Variants in L1TD1 observed in about 807,000 individuals in gnomAD.
L1TD1 encodes the protein LINE1 type transposase domain containing 1, also known as LINE-1 type transposase domain-containing protein 1.
Under a neutral mutation model 25.7 loss-of-function variants are expected in L1TD1, and 26 were observed. The ratio of observed to expected loss-of-function variants is 1.01; its 90% confidence interval spans 0.74 to 1.40. The LOEUF (loss-of-function observed/expected upper bound fraction) is 1.40. Among genes scored for constraint, L1TD1 ranks in the 40% most tolerant of loss-of-function variants. The pLI, the probability that L1TD1 is intolerant of heterozygous loss-of-function variation, is 0.00. For synonymous variants in L1TD1, 421 were observed against 335.6 expected, an observed-to-expected ratio of 1.25 and a Z score of -2.78; for missense variants, 1,130 against 975.0, an observed-to-expected ratio of 1.16 and a Z score of -2.12.
intron 2 of L1TD1, among the ~76,000 whole-genome samples, chr1:62,205,526 G>C (rs1407271623): frequency 6.8e-6 from 1 of 146,738 alleles, no homozygotes; most frequent in African/African-American, 2.5e-5. Flanking sequence ...CTGCCTCCCA[G>C]GTTCAAGCAA....
rs757463322 is a variant in L1TD1 at position 62,210,455 on chromosome 1, T to A, written c.1681T>A (p.Ser561Thr). 3.1e-6 allele frequency: 5 copies of A among 1,614,132 alleles called. No individual in the cohort carries two copies. The South Asian group carries it at 5.5e-5, about 18-fold the overall frequency. The change falls in exon 4 of 4, where the codon TCA (serine) becomes ACA (threonine). Residue 561 changes from serine (S) to threonine (T), a missense_variant. Coordinates refer to ENST00000498273, the MANE Select transcript of L1TD1 (RefSeq NM_019079.5). ...CTTATGTTTGGCCTCTCCCTCAAAG[T>A]CACTAGAGATGAGTCATGATGAGCA... ...LTLCLASPSK[S>T]LEMSHDEHKK... is the part of the protein sequence containing the mutation.
At chr1:62,202,669 ATTTTTTTT>A (rs35815437) in intron 2 of L1TD1, among the ~76,000 whole-genome samples, 41 of 71,876 alleles carry the variant, frequency 5.7e-4, no homozygotes, top group Admixed American at 3.2e-3. Flanking sequence ...CCAGGGTTTA[ATTTTTTTT>A]TTTTTTTTTT....
At chr1:62,195,225 G>T (rs1670511111) in intron 1 of L1TD1, among the ~76,000 whole-genome samples, 1 of 152,140 alleles carries the variant, frequency 6.6e-6, no homozygotes, top group Non-Finnish European at 1.5e-5. Context: ...AGGTACGTGA[G>T]GCCCGAGGTG....
At chr1:62,198,443 A>AT (rs1352753643) in intron 2 of L1TD1, among the ~76,000 whole-genome samples, 2 of 140,124 alleles carry the variant, frequency 1.4e-5, no homozygotes, top group Non-Finnish European at 3.2e-5. Flanking sequence ...AATTGTTCTT[A>AT]TTTAAAAAAA....
At position 62,197,575 on chromosome 1, in the gene L1TD1, CCTG is replaced by C. The variant is rs561394677; in HGVS notation, c.-111+1052_-111+1054del. On this transcript the variant is annotated intron_variant, in intron 2 of 3. Transcript: ENST00000498273. Reference sequence around the variant, plus strand: ...TCTCAAATTCCTGGCCTCAAGTGCTCCTGCTGCCCCGAAAGGTGCTGGGATTAC... The same window carrying C: ...TCTCAAATTCCTGGCCTCAAGTGCTCCTGCCCCGAAAGGTGCTGGGATTAC... 1.7e-4 allele frequency among the ~76,000 whole-genome samples: 26 copies of C among 151,928 alleles called. No homozygotes were observed. In the South Asian group the frequency reaches 5.4e-3, roughly 32 times the overall value.
At chr1:62,197,586 G>A (rs1048068815) in intron 2 of L1TD1, among the ~76,000 whole-genome samples, 1 of 151,690 alleles carries the variant, frequency 6.6e-6, no homozygotes, top group Admixed American at 6.6e-5. Context: ...CTGCTGCCCC[G>A]AAAGGTGCTG....
chr1:62,205,439 A>ATTTTTTTTTTTT lies in L1TD1; in HGVS notation c.-110-1079_-110-1078insTTTTTTTTTTTT, dbSNP rs1297750882. Among the ~76,000 whole-genome samples the ATTTTTTTTTTTT allele has an allele frequency of 1.2e-3, 55 of 44,178 alleles. 2 individuals are homozygous for ATTTTTTTTTTTT. The highest frequency in any genetic ancestry group is 1.9e-3 in the Non-Finnish European group (44 of 23,168). The allele number at this position is 44,178 out of a possible 152,430, so 29.0% of individuals were successfully genotyped here. A position where few individuals can be genotyped will look rare whatever the true frequency, so the allele number is the denominator to read the frequency against. On this transcript the variant is annotated intron_variant, in intron 2 of 3. Coordinates refer to ENST00000498273, the MANE Select transcript of L1TD1 (RefSeq NM_019079.5). ...TCTCTATATATATATATATATATAT[A>ATTTTTTTTTTTT]TATATTTTTTTTTAGACAGTCTTGC... is the stretch of plus-strand genomic sequence containing the variant.
chr1:62,195,227 C>A (rs1670511188), intron 1 of L1TD1, among the ~76,000 whole-genome samples: 1 of 151,562 alleles, frequency 6.6e-6, no homozygotes, highest in African/African-American at 2.4e-5. Flanking sequence ...GTACGTGAGG[C>A]CCGAGGTGCC....
Position 62,206,990 on chromosome 1 carries a change from G to A in L1TD1, c.362G>A (p.Gly121Glu). The change falls in exon 3 of 4, where the codon GGA becomes GAA. Residue 121 changes from glycine (G) to glutamate (E), a missense_variant. Gly to Glu is a moderately conservative substitution (Grantham distance 98). Transcript: ENST00000498273. ...ACAGGGATGGTAGGGAAAATAGAAGGAGAAAACTCTAAAATAGGTGATGAT... is the reference window on the plus strand; with the variant it reads ...ACAGGGATGGTAGGGAAAATAGAAGAAGAAAACTCTAAAATAGGTGATGAT... ...QKTGMVGKIE[G>E]ENSKIGDDNE... 6.2e-7 allele frequency: 1 copy of A among 1,612,928 alleles called. No homozygotes were observed. Among genetic ancestry groups the A allele is most frequent in the East Asian group, 2.2e-5 (1 of 44,844 alleles).
chr1:62,205,383 CTCTCTTTCTCTCTCTCTCTCTCT>C (rs1670717897), intron 2 of L1TD1, among the ~76,000 whole-genome samples: 1 of 54,094 alleles, frequency 1.8e-5, no homozygotes, highest in African/African-American at 7.6e-5. Context: ...TTCTCTCTCT[CTCTCTTTCTCTCTCTCTCTCTCT>C]CTCTCTCTCT....
Position 62,207,491 on chromosome 1 carries a change from G to A in L1TD1, c.863G>A (p.Gly288Asp), listed in dbSNP as rs1252662779. The change falls in exon 3 of 4, where the codon GGT becomes GAT. Residue 288 changes from glycine to aspartate, a missense_variant. Gly to Asp is a moderately conservative substitution (Grantham distance 94, BLOSUM62 -1). Coordinates refer to ENST00000498273, the MANE Select transcript of L1TD1 (RefSeq NM_019079.5). Reference sequence around the variant, plus strand: ...GTTAAATTAGCATTTAAATGTGATGGTGAAATAAAGACATTTTCAGATCTG... The same window carrying A: ...GTTAAATTAGCATTTAAATGTGATGATGAAATAAAGACATTTTCAGATCTG... The part of the protein sequence containing the change: ...CEVKLAFKCD[G>D]EIKTFSDLQS... 1.3e-6 allele frequency: 2 copies of A among 1,551,196 alleles called. No homozygotes were observed. The highest frequency in any genetic ancestry group is 1.2e-5 in the South Asian group (1 of 83,960).
Position 62,211,246 on chromosome 1 carries a change from A to G in L1TD1, c.2472A>G (p.Leu824=), listed in dbSNP as rs760524662. Residue 824 remains leucine, a synonymous_variant, in exon 4 of 4, where the codon CTA becomes CTG. Transcript: ENST00000498273. ...LLEKGFNPRI[L]YPAKMAFDFR... is the part of the protein sequence containing the mutation. ...AAAAAGGCTTTAATCCTAGAATCCT[A>G]TATCCAGCCAAAATGGCATTTGATT... The G allele has an allele frequency of 1.2e-5, 19 of 1,589,774 alleles. No homozygotes were observed. The South Asian group carries it at 1.9e-4, about 16-fold the overall frequency.
chr1:62,197,189 C>A (rs1330657186), intron 2 of L1TD1, among the ~76,000 whole-genome samples: 1 of 151,548 alleles, frequency 6.6e-6, no homozygotes, highest in Non-Finnish European at 1.5e-5. Context: ...AGTTCGAGAC[C>A]AGTCTGGCCA....
chr1:62,197,397 T>TTTATATATATATATA (rs1269544269), intron 2 of L1TD1, among the ~76,000 whole-genome samples: 8 of 80,840 alleles, frequency 9.9e-5, no homozygotes, highest in African/African-American at 3.1e-4. Context: ...AAAAAATAAA[T>TTTATATATATATATA]TATATATATA....
rs1240238186 is a variant in L1TD1 at position 62,210,364 on chromosome 1, C to T, written c.1590C>T (p.His530=). ...AGTTGGTGAAACACCAGGTGGTGCA[C>T]AAAACCCAGGAGGAAGAGGAAACAG... ...KKKLVKHQVV[H]KTQEEEETAV... The change falls in exon 4 of 4, where the codon CAC becomes CAT. Residue 530 remains histidine (H), a synonymous_variant. Coordinates refer to ENST00000498273, the MANE Select transcript of L1TD1 (RefSeq NM_019079.5). 16 of 1,613,648 alleles carry T rather than the reference C, an allele frequency of 9.9e-6. No individual in the cohort carries two copies. The highest frequency in any genetic ancestry group is 3.3e-4 in the Middle Eastern group (2 of 6,042).
chr1:62,207,074 C>G lies in L1TD1; in HGVS notation c.446C>G (p.Thr149Ser), dbSNP rs1050043209. 7 of 1,613,474 alleles carry G rather than the reference C, an allele frequency of 4.3e-6. No homozygotes were observed. The Admixed American group carries it at 6.7e-5, about 15-fold the overall frequency. ...VNELSGKLDN[T>S]NEYNSNDGKK... is the part of the protein sequence containing the mutation. ...GAGCTGAGTGGTAAATTAGACAACA[C>G]TAACGAATACAATAGTAATGATGGT... The change falls in exon 3 of 4, where the codon ACT becomes AGT. Residue 149 changes from threonine to serine, a missense_variant. Transcript: ENST00000498273.
intron 1 of L1TD1, among the ~76,000 whole-genome samples, chr1:62,195,990 T>C (rs1182507702): frequency 6.6e-6 from 1 of 151,538 alleles, no homozygotes. Flanking sequence ...TGAGCCGAGA[T>C]CGGGCCACTA....
At chr1:62,196,850 C>T (rs1196066979) in intron 2 of L1TD1, among the ~76,000 whole-genome samples, 1 of 151,992 alleles carries the variant, frequency 6.6e-6, no homozygotes, top group Non-Finnish European at 1.5e-5. Context: ...CCTCCATCTC[C>T]TAAAGTGATG....
chr1:62,197,303 C>G (rs1670560465), intron 2 of L1TD1, among the ~76,000 whole-genome samples: 1 of 150,886 alleles, frequency 6.6e-6, no homozygotes, highest in African/African-American at 2.4e-5. Context: ...AGGAGAATCG[C>G]TTGAACCTGG....
Sources: allele counts gnomAD v4.1 joint callset (sites outside exome capture counted in the v4.1 genomes callset), GRCh38; gene constraint gnomAD v4.1.1; transcripts MANE v1.5; gene names NCBI Gene and HGNC (gene_info 2026-07-23, HGNC 2026-07-21).